AMZ1: variants seen among roughly 807,000 people sequenced by gnomAD.
AMZ1 encodes the protein archaemetzincin-1.
In AMZ1, 39 loss-of-function variants were observed where a neutral mutation model predicts 29.9. The observed-to-expected ratio is 1.30, with a 90% CI of 1.01 to 1.70. AMZ1 has a LOEUF of 1.70. AMZ1 is among the 40% of genes most tolerant of loss of function. AMZ1 has a pLI of 0.00. For missense variants in AMZ1, 1,041 were observed against 680.6 expected (o/e 1.53, Z -5.89); for synonymous variants, 458 against 304.0 (o/e 1.51, Z -5.27).
chr7:2,745,490 G>A (rs1790721960), intron 4 of AMZ1, among the ~76,000 whole-genome samples: 2 of 152,156 alleles, frequency 1.3e-5, no homozygotes, highest in South Asian at 4.1e-4. Context: ...GTCACCACCA[G>A]GCCTGCCCTA....
intron 4 of AMZ1, among the ~76,000 whole-genome samples, chr7:2,733,072 C>T (rs946046914): frequency 6.6e-6 from 1 of 152,214 alleles, no homozygotes; most frequent in Non-Finnish European, 1.5e-5. Flanking sequence ...TCTGCATTTG[C>T]TCCCGGAGGC....
chr7:2,736,071 T>A (rs1177081470), intron 4 of AMZ1, among the ~76,000 whole-genome samples: 1 of 152,086 alleles, frequency 6.6e-6, no homozygotes, highest in African/African-American at 2.4e-5. Context: ...ACTCCTCAAG[T>A]CTTACAGCAG....
At chr7:2,708,833 A>G (rs886610731) in intron 4 of AMZ1, 117 bp downstream of exon 4, 4 of 1,499,742 alleles carry the variant, frequency 2.7e-6, no homozygotes, top group Non-Finnish European at 3.6e-6. Context: ...GTGGAAGTCA[A>G]CACCTGTGCA....
rs951778751 is a variant in AMZ1 at position 2,700,356 on chromosome 7, C to T, written c.-96C>T. 87 of 1,429,474 alleles carry T rather than the reference C, an allele frequency of 6.1e-5. No homozygotes were observed. In the East Asian group the frequency reaches 1.3e-3, roughly 21 times the overall value. 88.5% of individuals were successfully genotyped at this position (1,429,474 alleles called of 1,614,324 possible). ...CCCCCGGTAGCCACTCGGATCAGCC[C>T]GAGGGAAGATTCTGGACGAGACCGT... On this transcript the variant is annotated 5_prime_UTR_variant, in exon 2 of 7. Coordinates refer to ENST00000683327, the MANE Select transcript of AMZ1 (RefSeq NM_001384743.1).
chr7:2,741,908 A>G (rs921701351), intron 4 of AMZ1, among the ~76,000 whole-genome samples: 1 of 151,582 alleles, frequency 6.6e-6, no homozygotes, highest in South Asian at 2.1e-4. Flanking sequence ...TCTAATATAT[A>G]CAGATACAGC....
intron 4 of AMZ1, among the ~76,000 whole-genome samples, chr7:2,726,469 C>T (rs1789620713): frequency 6.6e-6 from 1 of 152,168 alleles, no homozygotes; most frequent in South Asian, 2.1e-4. Context: ...AGCACACTGC[C>T]CGGGTGAGAG....
At chr7:2,756,107 A>C (rs1237861881) in intron 4 of AMZ1, among the ~76,000 whole-genome samples, 1 of 152,242 alleles carries the variant, frequency 6.6e-6, no homozygotes, top group East Asian at 1.9e-4. Context: ...AGTAATATGG[A>C]TCAACCGAAT....
At chr7:2,684,874 T>C (rs935766600), upstream of AMZ1, among the ~76,000 whole-genome samples, 1 of 108,170 alleles carries the variant, frequency 9.2e-6, no homozygotes, top group Non-Finnish European at 1.6e-5. Context: ...CATAATTGCT[T>C]TTTTTTTTTT....
In AMZ1 at chr7:2,716,945, C is replaced by T. The variant is rs550608024; in HGVS notation, c.*4067C>T. The stretch of plus-strand genomic sequence containing the variant: ...AGGCGCAGTCTGTTCTTGCTTGAAC[C>T]CCGAGTTCTCCCGCTGTTGTGCAGC... On this transcript the variant is annotated 3_prime_UTR_variant, in exon 7 of 7. Coordinates refer to ENST00000683327, the MANE Select transcript of AMZ1 (RefSeq NM_001384743.1). Among the ~76,000 whole-genome samples, 16 of 152,308 alleles carry T rather than the reference C, an allele frequency of 1.1e-4. No homozygotes were observed. Among genetic ancestry groups the T allele is most frequent in the African/African-American group, 3.4e-4 (14 of 41,566 alleles).
intron 1 of AMZ1, among the ~76,000 whole-genome samples, chr7:2,689,498 G>A (rs906434644): frequency 6.6e-6 from 1 of 152,336 alleles, no homozygotes; most frequent in African/African-American, 2.4e-5. Flanking sequence ...GGTGCTCTGG[G>A]AGAGGAGACG....
chr7:2,729,682 C>G (rs1042140149), intron 4 of AMZ1: 2 of 152,386 alleles, frequency 1.3e-5, no homozygotes, highest in Admixed American at 1.3e-4. Context: ...GGCCTCGGGA[C>G]GAGGGCCCTG....
rs75229117 is a variant in AMZ1, at chr7:2,715,801, T to G, written c.*2923T>G. 3.9e-5 allele frequency: 6 copies of G among 152,240 alleles called. No individual in the cohort carries two copies. Among genetic ancestry groups the G allele is most frequent in the African/African-American group, 1.4e-4 (6 of 41,456 alleles). 9.4% of individuals were successfully genotyped at this position (152,240 alleles called of 1,614,324 possible). A position where few individuals can be genotyped will look rare whatever the true frequency, so the allele number is the denominator to read the frequency against. ...AAGGCAGAGGAGAGAGAATGAGGGC[T>G]GCCTTCTCGAGGAAGGTCACAGCTC... On this transcript the variant is annotated 3_prime_UTR_variant, in exon 7 of 7. Coordinates refer to ENST00000683327, the MANE Select transcript of AMZ1 (RefSeq NM_001384743.1).
intron 4 of AMZ1, among the ~76,000 whole-genome samples, chr7:2,738,131 T>A (rs1474203222): frequency 6.6e-6 from 1 of 152,060 alleles, no homozygotes; most frequent in Non-Finnish European, 1.5e-5. Flanking sequence ...CCCCAAATAT[T>A]AGGTAAGAGG....
intron 1 of AMZ1, among the ~76,000 whole-genome samples, chr7:2,690,364 A>G (rs1787315648): frequency 6.6e-6 from 1 of 152,218 alleles, no homozygotes; most frequent in South Asian, 2.1e-4. Flanking sequence ...GACCACAGGC[A>G]TGCACAACCA....
intron 4 of AMZ1, among the ~76,000 whole-genome samples, chr7:2,740,730 T>TTA (rs1313368443): frequency 6.6e-6 from 1 of 152,186 alleles, no homozygotes; most frequent in Non-Finnish European, 1.5e-5. Flanking sequence ...ATAGTTCAAA[T>TTA]TATAGATTCA....
chr7:2,764,529 C>T (rs1236437846), upstream of AMZ1: 1 of 152,188 alleles, frequency 6.6e-6, no homozygotes, highest in Non-Finnish European at 1.5e-5. Context: ...TGGTCGGGCT[C>T]AGCGTTTACT....
chr7:2,723,743 T>C (rs968339709), downstream of AMZ1, among the ~76,000 whole-genome samples: 1 of 151,962 alleles, frequency 6.6e-6, no homozygotes, highest in African/African-American at 2.4e-5. Context: ...GCACCGCGGC[T>C]GTCCCCAGCA....
intron 4 of AMZ1, among the ~76,000 whole-genome samples, chr7:2,755,250 T>C (rs1409965018): frequency 2.0e-5 from 3 of 152,234 alleles, no homozygotes; most frequent in South Asian, 2.1e-4. Context: ...TTCCAGTGCC[T>C]TTCCGCATAC....
In AMZ1 at chr7:2,717,048, TCCCTGAG is replaced by T. The variant is rs1229405547; in HGVS notation, c.*4172_*4178del. 3.9e-5 allele frequency among the ~76,000 whole-genome samples: 6 copies of T among 152,222 alleles called. No homozygotes were observed. Among genetic ancestry groups the T allele is most frequent in the Admixed American group, 2.0e-4 (3 of 15,296 alleles). On this transcript the variant is annotated 3_prime_UTR_variant, in exon 7 of 7. Coordinates refer to ENST00000683327, the MANE Select transcript of AMZ1 (RefSeq NM_001384743.1). ...CGGACGCGGGAGGCCTGCACCCTGA[TCCCTGAG>T]CAGCCCCCACACACCGGCACCCACG... is the stretch of plus-strand genomic sequence containing the variant.
Sources: allele counts gnomAD v4.1 joint callset (sites outside exome capture counted in the v4.1 genomes callset), GRCh38; gene constraint gnomAD v4.1.1; transcripts MANE v1.5; gene names NCBI Gene and HGNC (gene_info 2026-07-23, HGNC 2026-07-21).